Variants in TMTC2 observed in about 807,000 individuals in gnomAD.
TMTC2 encodes protein O-mannosyl-transferase TMTC2.
A neutral mutation model predicts 82.4 loss-of-function variants in TMTC2; 43 were observed. That is an observed-to-expected ratio of 0.52 (90% CI 0.41 to 0.67). The LOEUF is 0.67. Among genes scored for constraint, TMTC2 ranks in the 30% least tolerant of loss-of-function variants. TMTC2 has a pLI of 0.00. For missense variants in TMTC2, 919 were observed against 1,012.4 expected, an observed-to-expected ratio of 0.91 and a Z score of 1.25; for synonymous variants, 408 against 381.9, an observed-to-expected ratio of 1.07 and a Z score of -0.80.
chr12:83,097,641 T>C (rs1382308509), intron 11 of TMTC2, among the ~76,000 whole-genome samples: 1 of 152,252 alleles, frequency 6.6e-6, no homozygotes, highest in African/African-American at 2.4e-5. Context: ...AGACAAAAAA[T>C]ATAAAATATA....
intron 4 of TMTC2, among the ~76,000 whole-genome samples, chr12:82,960,227 C>T (rs1877855202): frequency 6.6e-6 from 1 of 151,974 alleles, no homozygotes; most frequent in Middle Eastern, 3.4e-3. Flanking sequence ...GTGGAGATTT[C>T]TCGAAGAACT....
At chr12:82,923,719 A>C (rs1257643670) in intron 3 of TMTC2, among the ~76,000 whole-genome samples, 1 of 152,120 alleles carries the variant, frequency 6.6e-6, no homozygotes, top group Non-Finnish European at 1.5e-5. Context: ...ATAGTTTTTG[A>C]GTTTCTTAAT....
intron 1 of TMTC2, among the ~76,000 whole-genome samples, chr12:82,705,929 A>T (rs555458270): frequency 6.6e-6 from 1 of 152,284 alleles, no homozygotes; most frequent in East Asian, 1.9e-4. Flanking sequence ...GGGGCACCTG[A>T]CCCAGACTGG....
At chr12:82,851,995 T>A (rs989258388) in intron 1 of TMTC2, among the ~76,000 whole-genome samples, 1 of 151,896 alleles carries the variant, frequency 6.6e-6, no homozygotes, top group Non-Finnish European at 1.5e-5. Context: ...TGTTGGCCTT[T>A]GTCAACATTT....
chr12:82,827,403 G>A (rs1565768063), intron 1 of TMTC2, among the ~76,000 whole-genome samples: 1 of 152,102 alleles, frequency 6.6e-6, no homozygotes, highest in African/African-American at 2.4e-5. Flanking sequence ...ATTAGTAGGG[G>A]CCCAAGCTAA....
chr12:82,943,727 A>G (rs1796164), intron 4 of TMTC2, among the ~76,000 whole-genome samples: 1 of 152,232 alleles, frequency 6.6e-6, no homozygotes, highest in East Asian at 1.9e-4. Context: ...TCTTTTGAGT[A>G]TATTTATAAA....
At chr12:83,096,740 A>T (rs11115579) in intron 11 of TMTC2, among the ~76,000 whole-genome samples, 4,918 of 152,188 alleles carry the variant, frequency 0.032, 117 homozygotes, top group Middle Eastern at 0.082. Context: ...AAAATTCCAG[A>T]TGAGATTTGG....
intron 8 of TMTC2, among the ~76,000 whole-genome samples, chr12:82,999,941 G>A (rs1400347092): frequency 6.6e-6 from 1 of 152,122 alleles, no homozygotes; most frequent in Non-Finnish European, 1.5e-5. Context: ...TAACTTAAAA[G>A]TTCACAGTCC....
chr12:82,868,107 A>G (rs1871960070), intron 2 of TMTC2, among the ~76,000 whole-genome samples: 1 of 152,188 alleles, frequency 6.6e-6, no homozygotes, highest in Non-Finnish European at 1.5e-5. Flanking sequence ...AAGTATGAAT[A>G]TAGTAAATGT....
At chr12:82,893,130 G>C (rs1873478188) in intron 2 of TMTC2, among the ~76,000 whole-genome samples, 1 of 152,052 alleles carries the variant, frequency 6.6e-6, no homozygotes, top group African/African-American at 2.4e-5. Context: ...CCAGCACTTT[G>C]GGAGGCTGAG....
In TMTC2 at chr12:82,895,952, G is replaced by A. The variant is rs781180905; in HGVS notation, c.789G>A (p.Ser263=). ...FSNSDNPAAD[S]DSLLTRTLTF... ...ACTCGGACAACCCCGCTGCTGATTC[G>A]GACAGCCTCCTCACCCGCACTCTCA... The change falls in exon 3 of 12, where the codon TCG becomes TCA. Residue 263 remains serine, a synonymous_variant. Coordinates refer to ENST00000321196, the MANE Select transcript of TMTC2 (RefSeq NM_152588.3). 16 of 1,613,628 alleles carry A rather than the reference G, an allele frequency of 9.9e-6. No individual in the cohort carries two copies. The highest frequency in any genetic ancestry group is 3.3e-5 in the Admixed American group (2 of 59,930).
chr12:82,952,031 T>C (rs1383490204), intron 4 of TMTC2, among the ~76,000 whole-genome samples: 1 of 152,196 alleles, frequency 6.6e-6, no homozygotes, highest in Non-Finnish European at 1.5e-5. Flanking sequence ...AAGTGCTTCA[T>C]GAGACCAGAA....
At chr12:82,728,741 A>C (rs1370559005) in intron 1 of TMTC2, among the ~76,000 whole-genome samples, 6 of 152,204 alleles carry the variant, frequency 3.9e-5, no homozygotes, top group Non-Finnish European at 2.9e-5. Flanking sequence ...GGCCGGAGCC[A>C]GCTTCCTCAG....
At chr12:83,058,041 T>C (rs1304105374) in intron 10 of TMTC2, among the ~76,000 whole-genome samples, 1 of 151,864 alleles carries the variant, frequency 6.6e-6, no homozygotes, top group Non-Finnish European at 1.5e-5. Flanking sequence ...ATTACATTAT[T>C]GATTCCCAAC....
At chr12:82,757,374 G>T (rs528546745) in intron 1 of TMTC2, among the ~76,000 whole-genome samples, 20 of 152,074 alleles carry the variant, frequency 1.3e-4, no homozygotes, top group South Asian at 2.1e-4. Context: ...GTTAACATTT[G>T]ATTAAATATA....
chr12:82,898,752 C>G (rs1257712092), intron 3 of TMTC2, among the ~76,000 whole-genome samples: 2 of 152,168 alleles, frequency 1.3e-5, no homozygotes, highest in Non-Finnish European at 2.9e-5. Context: ...AGAAATTGCA[C>G]ACACCATGCT....
intron 8 of TMTC2, among the ~76,000 whole-genome samples, chr12:82,989,071 C>T (rs1282861916): frequency 6.6e-6 from 1 of 150,782 alleles, no homozygotes; most frequent in East Asian, 1.9e-4. Context: ...AAACATACAG[C>T]ATTTTATGAA....
chr12:82,835,115 G>C (rs1173445572), intron 1 of TMTC2, among the ~76,000 whole-genome samples: 2 of 151,972 alleles, frequency 1.3e-5, no homozygotes, highest in Non-Finnish European at 2.9e-5. Context: ...CCCTCACCTT[G>C]GCCTCCCAAA....
chr12:82,749,093 A>C (rs1414665768), intron 1 of TMTC2, among the ~76,000 whole-genome samples: 1 of 152,246 alleles, frequency 6.6e-6, no homozygotes, highest in African/African-American at 2.4e-5. Flanking sequence ...CAATAAATAG[A>C]ATTCCCCAGT....
Sources: gnomAD v4.1 joint callset for allele counts (sites outside exome capture counted in the v4.1 genomes callset) on GRCh38, gnomAD v4.1.1 for gene constraint, MANE v1.5 for transcripts, NCBI Gene and HGNC (gene_info 2026-07-23, HGNC 2026-07-21) for gene names.